The following CADM2 variants were observed in gnomAD, a reference collection of about 807,000 sequenced individuals.
CADM2 encodes cell adhesion molecule 2, also known as immunoglobulin superfamily member 4D.
A neutral mutation model predicts 49.8 loss-of-function variants in CADM2; 12 were observed. That is an observed-to-expected ratio of 0.24 (90% CI 0.15 to 0.39). CADM2 has a LOEUF of 0.39. CADM2 is among the 10% of genes least tolerant of loss of function. The pLI is 1.00. For missense variants in CADM2, 378 were observed against 492.3 expected (o/e 0.77, Z 2.20); for synonymous variants, 214 against 175.4 (o/e 1.22, Z -1.74).
At chr3:85,592,812 G>A (rs754119968) in intron 1 of CADM2, among the ~76,000 whole-genome samples, 1 of 151,702 alleles carries the variant, frequency 6.6e-6, no homozygotes, top group Non-Finnish European at 1.5e-5. Context: ...CCACCAACGC[G>A]TCATCTACAT....
At chr3:85,008,549 T>C (rs1053036246) in intron 1 of CADM2, among the ~76,000 whole-genome samples, 3 of 151,918 alleles carry the variant, frequency 2.0e-5, no homozygotes, top group Non-Finnish European at 4.4e-5. Context: ...CTTTTTATTT[T>C]AAAAGTGAGG....
intron 1 of CADM2, among the ~76,000 whole-genome samples, chr3:85,127,424 G>A (rs1467512202): frequency 2.0e-5 from 3 of 152,132 alleles, no homozygotes; most frequent in Admixed American, 6.5e-5. Context: ...GTGGGCTTTC[G>A]TAAAGGGCCA....
chr3:85,504,341 G>A (rs1203506115), intron 1 of CADM2, among the ~76,000 whole-genome samples: 2 of 152,132 alleles, frequency 1.3e-5, no homozygotes, highest in Non-Finnish European at 2.9e-5. Flanking sequence ...AGCTCATAAA[G>A]GCAGTGTGGA....
chr3:85,884,858 G>T, intron 4 of CADM2, among the ~76,000 whole-genome samples: 1 of 149,548 alleles, frequency 6.7e-6, no homozygotes, highest in Non-Finnish European at 1.5e-5. Context: ...CTGAGTAGCT[G>T]GGATTACAGG....
intron 1 of CADM2, among the ~76,000 whole-genome samples, chr3:84,995,152 TG>T (rs2107192329): frequency 6.6e-6 from 1 of 152,318 alleles, no homozygotes; most frequent in East Asian, 1.9e-4. Context: ...AACTAATTTT[TG>T]CTAAAACATT....
chr3:85,417,455 CGAT>C (rs907665918), intron 1 of CADM2, among the ~76,000 whole-genome samples: 2 of 152,068 alleles, frequency 1.3e-5, no homozygotes, highest in African/African-American at 4.8e-5. Context: ...ATATTTTAAA[CGAT>C]GTCACCAACC....
At chr3:85,445,530 T>C (rs2037407755) in intron 1 of CADM2, among the ~76,000 whole-genome samples, 1 of 152,086 alleles carries the variant, frequency 6.6e-6, no homozygotes, top group African/African-American at 2.4e-5. Context: ...TTGATTAATA[T>C]TTTTTGAAAA....
At chr3:85,566,564 A>G (rs2062264584) in intron 1 of CADM2, among the ~76,000 whole-genome samples, 5 of 152,156 alleles carry the variant, frequency 3.3e-5, no homozygotes, top group Admixed American at 3.3e-4. Context: ...GTGGAGATTC[A>G]GCATGATGTG....
chr3:85,940,736 G>T lies in CADM2; in HGVS notation c.791+4879G>T, dbSNP rs573161273. ...GCACAAAATGTTTGGAGGTATTGTA[G>T]AAAGAGAATGCAGACCTGGGTTTAA... On this transcript the variant is annotated intron_variant, in intron 7 of 9. Coordinates refer to ENST00000383699, the MANE Select transcript of CADM2 (RefSeq NM_001167675.2). Among the ~76,000 whole-genome samples the T allele has an allele frequency of 9.9e-5, 15 of 152,178 alleles. No individual in the cohort carries two copies. The South Asian group carries it at 2.9e-3, about 29-fold the overall frequency.
rs189438999 is a variant in CADM2, at chr3:85,897,118, C to G, written c.529+10791C>G. ...AAAGTAGTAAATTTAGAAAATGACT[C>G]TTAACATTCTTTCTACCTTATGAGT... On this transcript the variant is annotated intron_variant, in intron 5 of 9. Coordinates refer to ENST00000383699, the MANE Select transcript of CADM2 (RefSeq NM_001167675.2). Among the ~76,000 whole-genome samples, 9 of 151,752 alleles carry G rather than the reference C, an allele frequency of 5.9e-5. No homozygotes were observed. In the East Asian group the frequency reaches 7.8e-4, roughly 13 times the overall value.
At chr3:85,716,875 A>C (rs9835772) in intron 1 of CADM2, among the ~76,000 whole-genome samples, 1 of 152,040 alleles carries the variant, frequency 6.6e-6, no homozygotes, top group African/African-American at 2.4e-5. Context: ...TGGTGCCAGA[A>C]CCGTGCTGTT....
chr3:85,916,189 A>G (rs576515741), intron 6 of CADM2, among the ~76,000 whole-genome samples: 1 of 152,262 alleles, frequency 6.6e-6, no homozygotes, highest in East Asian at 1.9e-4. Context: ...TTATTATTAT[A>G]CTTTAAGTTT....
chr3:85,689,173 TG>T (rs2066307414), intron 1 of CADM2, among the ~76,000 whole-genome samples: 1 of 152,192 alleles, frequency 6.6e-6, no homozygotes, highest in South Asian at 2.1e-4. Flanking sequence ...GAATGCATAT[TG>T]TATGAATATA....
chr3:85,212,872 TTCTTTCTTTCTTTC>T (rs1193956110), intron 1 of CADM2, among the ~76,000 whole-genome samples: 7 of 91,192 alleles, frequency 7.7e-5, no homozygotes, highest in Admixed American at 2.2e-4. Flanking sequence ...CTTTCTTTCT[TTCTTTCTTTCTTTC>T]TCTTTCTTTC....
intron 1 of CADM2, among the ~76,000 whole-genome samples, chr3:85,550,848 CT>C (rs1463186764): frequency 5.9e-5 from 9 of 152,136 alleles, no homozygotes; most frequent in African/African-American, 2.2e-4. Flanking sequence ...CCATTCAGTC[CT>C]TAATGGTCAA....
chr3:85,875,486 G>C (rs1460831122), intron 3 of CADM2, among the ~76,000 whole-genome samples: 5 of 152,096 alleles, frequency 3.3e-5, no homozygotes, highest in African/African-American at 9.7e-5. Flanking sequence ...CTTTCTTATA[G>C]TTTATTTGAC....
At chr3:85,120,471 A>G (rs150480948) in intron 1 of CADM2, among the ~76,000 whole-genome samples, 4,576 of 152,270 alleles carry the variant, frequency 0.03, 98 homozygotes, top group South Asian at 0.044. Context: ...TGTGGCACAT[A>G]TACACCATGG....
chr3:85,366,079 T>G (rs1274165124), intron 1 of CADM2, among the ~76,000 whole-genome samples: 1 of 152,186 alleles, frequency 6.6e-6, no homozygotes, highest in African/African-American at 2.4e-5. Context: ...ACTTAATGAT[T>G]TAGTTTGCTG....
At chr3:85,176,870 G>A (rs1314535311) in intron 1 of CADM2, among the ~76,000 whole-genome samples, 2 of 152,160 alleles carry the variant, frequency 1.3e-5, no homozygotes, top group Non-Finnish European at 2.9e-5. Flanking sequence ...ATTCAGAGAA[G>A]CAAAACTTAA....
Sources: gnomAD v4.1 joint callset for allele counts (sites outside exome capture counted in the v4.1 genomes callset) on GRCh38, gnomAD v4.1.1 for gene constraint, MANE v1.5 for transcripts, NCBI Gene and HGNC (gene_info 2026-07-23, HGNC 2026-07-21) for gene names.